Variants in CDH18 observed in about 807,000 individuals in gnomAD.
CDH18 encodes cadherin-18.
A neutral mutation model predicts 67.9 loss-of-function variants in CDH18; 31 were observed. That is an observed-to-expected ratio of 0.46 (90% CI 0.34 to 0.62). CDH18 has a LOEUF of 0.62. Among genes scored for constraint, CDH18 ranks in the 20% least tolerant of loss-of-function variants. The pLI is 0.01. For synonymous variants in CDH18, 362 were observed against 347.2 expected (o/e 1.04, Z -0.48); for missense variants, 890 against 975.5 (o/e 0.91, Z 1.17).
At chr5:20,063,427 T>C (rs1024978365) in intron 2 of CDH18, among the ~76,000 whole-genome samples, 1 of 152,130 alleles carries the variant, frequency 6.6e-6, no homozygotes, top group Admixed American at 6.6e-5. Flanking sequence ...GTATGCATTA[T>C]TTATGTGCAT....
chr5:19,828,632 A>G (rs1285131038), intron 3 of CDH18, among the ~76,000 whole-genome samples: 1 of 152,226 alleles, frequency 6.6e-6, no homozygotes, highest in African/African-American at 2.4e-5. Flanking sequence ...AAGTAAATAC[A>G]AAACCAAATA....
chr5:19,543,239 A>C (rs567915309), intron 9 of CDH18, among the ~76,000 whole-genome samples: 16 of 152,212 alleles, frequency 1.1e-4, no homozygotes, highest in African/African-American at 2.6e-4. Context: ...TACCTTTATG[A>C]TTCCAGAAGT....
intron 2 of CDH18, among the ~76,000 whole-genome samples, chr5:19,898,182 T>A (rs1789551705): frequency 6.6e-6 from 1 of 152,064 alleles, no homozygotes; most frequent in Non-Finnish European, 1.5e-5. Context: ...CTCTATGTTA[T>A]TTATTTATCA....
chr5:20,563,545 A>G (rs11957714), intron 1 of CDH18, among the ~76,000 whole-genome samples: 2 of 151,876 alleles, frequency 1.3e-5, no homozygotes, highest in Non-Finnish European at 2.9e-5. Flanking sequence ...AAACTACTTA[A>G]ATGTCAATTT....
intron 2 of CDH18, among the ~76,000 whole-genome samples, chr5:20,184,236 C>T (rs186684420): frequency 8.6e-5 from 13 of 151,972 alleles, no homozygotes; most frequent in African/African-American, 2.4e-4. Flanking sequence ...CACTGACATC[C>T]GAGGTAAAAC....
chr5:20,560,946 T>C (rs530331728), intron 1 of CDH18, among the ~76,000 whole-genome samples: 10 of 151,946 alleles, frequency 6.6e-5, no homozygotes, highest in African/African-American at 2.4e-4. Context: ...CTAAAAAAAA[T>C]CAGCAAAAGA....
intron 5 of CDH18, among the ~76,000 whole-genome samples, chr5:19,645,744 C>T (rs1332795874): frequency 1.3e-5 from 2 of 152,122 alleles, no homozygotes; most frequent in African/African-American, 4.8e-5. Flanking sequence ...GGAAGTGACT[C>T]ATGCGACTGC....
At chr5:20,307,030 A>G (rs1173110869) in intron 1 of CDH18, among the ~76,000 whole-genome samples, 1 of 152,220 alleles carries the variant, frequency 6.6e-6, no homozygotes, top group Non-Finnish European at 1.5e-5. Context: ...TGAGGAAAAT[A>G]CAGGACATAT....
intron 1 of CDH18, among the ~76,000 whole-genome samples, chr5:20,509,369 A>G (rs1192577065): frequency 5.3e-5 from 8 of 150,126 alleles, no homozygotes; most frequent in Admixed American, 4.7e-4. Context: ...AATATAATCT[A>G]CAGGTTTATC....
intron 2 of CDH18, among the ~76,000 whole-genome samples, chr5:19,996,748 T>A (rs1461881470): frequency 6.6e-6 from 1 of 152,030 alleles, no homozygotes; most frequent in Non-Finnish European, 1.5e-5. Flanking sequence ...ATGTTATTGC[T>A]AATTGGGAAA....
intron 7 of CDH18, among the ~76,000 whole-genome samples, chr5:19,577,692 T>C (rs1742542654): frequency 6.6e-6 from 1 of 152,134 alleles, no homozygotes; most frequent in African/African-American, 2.4e-5. Context: ...GATTTTGTAA[T>C]AGATTGATAT....
chr5:20,329,768 CAA>C (rs60246535), intron 1 of CDH18, among the ~76,000 whole-genome samples: 2,507 of 62,372 alleles, frequency 0.04, 36 homozygotes, highest in African/African-American at 0.13. Context: ...GAAACTCCAT[CAA>C]AAAAAAAAAA....
At chr5:20,498,174 T>G (rs1754023076) in intron 1 of CDH18, among the ~76,000 whole-genome samples, 2 of 151,990 alleles carry the variant, frequency 1.3e-5, no homozygotes, top group African/African-American at 4.8e-5. Flanking sequence ...TGCTATACTT[T>G]GCGGATTAGT....
chr5:20,327,306 T>A (rs1374519036), intron 1 of CDH18, among the ~76,000 whole-genome samples: 1 of 152,218 alleles, frequency 6.6e-6, no homozygotes, highest in African/African-American at 2.4e-5. Flanking sequence ...TCTCTCTTGC[T>A]TACTTATCTT....
rs961864314 is a variant in CDH18, at chr5:19,960,685, A to C, written c.-257+20375T>G. ...TATACACATGTATATATATGTATAC[A>C]TATACACGTGTATATATGTATATAT... On this transcript the variant is annotated intron_variant, in intron 2 of 12. Coordinates refer to ENST00000382275, the MANE Select transcript of CDH18 (RefSeq NM_004934.5). 1.5e-5 allele frequency among the ~76,000 whole-genome samples: 2 copies of C among 133,954 alleles called. 1 individual carries two copies. The highest frequency in any genetic ancestry group is 7.2e-5 in the African/African-American group (2 of 27,796). The allele number at this position is 133,954 out of a possible 152,430, so 87.9% of individuals were successfully genotyped here.
At chr5:20,030,633 C>T (rs1739313748) in intron 2 of CDH18, among the ~76,000 whole-genome samples, 1 of 152,062 alleles carries the variant, frequency 6.6e-6, no homozygotes, top group Admixed American at 6.6e-5. Flanking sequence ...CAAATATATA[C>T]TTAATACATA....
intron 1 of CDH18, among the ~76,000 whole-genome samples, chr5:20,307,949 A>G (rs1489131158): frequency 6.6e-6 from 1 of 152,128 alleles, no homozygotes; most frequent in Non-Finnish European, 1.5e-5. Context: ...CAAACAATTT[A>G]ATTTAGAAAC....
chr5:20,278,433 A>C (rs779630417), intron 1 of CDH18, among the ~76,000 whole-genome samples: 2 of 152,134 alleles, frequency 1.3e-5, no homozygotes, highest in Non-Finnish European at 1.5e-5. Context: ...AACATAAAAA[A>C]TAAATACAAT....
At chr5:20,176,277 T>C in intron 2 of CDH18, among the ~76,000 whole-genome samples, 1 of 152,196 alleles carries the variant, frequency 6.6e-6, no homozygotes, top group Non-Finnish European at 1.5e-5. Context: ...CAATAAGGAA[T>C]GTTACCCTAA....
Sources: gnomAD v4.1 joint callset for allele counts (sites outside exome capture counted in the v4.1 genomes callset) on GRCh38, gnomAD v4.1.1 for gene constraint, MANE v1.5 for transcripts, NCBI Gene and HGNC (gene_info 2026-07-23, HGNC 2026-07-21) for gene names.